The following LINGO2 variants were observed in gnomAD, a reference collection of about 807,000 sequenced individuals.
LINGO2 encodes leucine rich repeat and Ig domain containing 2.
In LINGO2, 14 loss-of-function variants were observed where a neutral mutation model predicts 30.6. That is an observed-to-expected ratio of 0.46 (90% confidence interval 0.30 to 0.72). The LOEUF (loss-of-function observed/expected upper bound fraction) is 0.72. LINGO2 is among the 30% of genes least tolerant of loss of function. The pLI, the probability that LINGO2 is intolerant of heterozygous loss-of-function variation, is 0.07. For synonymous variants in LINGO2, 317 were observed against 288.5 expected (o/e 1.10, Z -1.00); for missense variants, 729 against 751.7 (o/e 0.97, Z 0.35).
At chr9:29,051,692 G>T in the LINGO2 span, among the ~76,000 whole-genome samples, 54,439 of 151,742 alleles carry the variant, frequency 0.36, 9,852 homozygotes, top group East Asian at 0.48. Context: ...CATAAGGCCC[G>T]TTAGTTTCTT....
the LINGO2 span, among the ~76,000 whole-genome samples, chr9:28,980,699 A>G: frequency 6.6e-6 from 1 of 152,050 alleles, no homozygotes; most frequent in East Asian, 1.9e-4. Flanking sequence ...CTGCTCAGGG[A>G]GTCCTCTGAG....
chr9:29,025,418 G>T, the LINGO2 span, among the ~76,000 whole-genome samples: 1 of 151,896 alleles, frequency 6.6e-6, no homozygotes, highest in South Asian at 2.1e-4. Flanking sequence ...CATACAAAAA[G>T]TCACGATTGA....
intron 2 of LINGO2, among the ~76,000 whole-genome samples, chr9:28,382,067 C>T (rs1274605554): frequency 1.3e-5 from 2 of 152,108 alleles, no homozygotes; most frequent in African/African-American, 4.8e-5. Context: ...AGCTAGTTCT[C>T]TACTTTCTCT....
chr9:29,085,281 TAAAAAAAAAA>T, the LINGO2 span, among the ~76,000 whole-genome samples: 10 of 77,056 alleles, frequency 1.3e-4, no homozygotes, highest in Admixed American at 3.1e-4. Flanking sequence ...CTATGGTAAG[TAAAAAAAAAA>T]AAAAAAAAAA....
At chr9:28,734,734 G>A in the LINGO2 span, among the ~76,000 whole-genome samples, 1 of 152,232 alleles carries the variant, frequency 6.6e-6, no homozygotes, top group Middle Eastern at 3.4e-3. Context: ...GTAACCGAAA[G>A]TACTATTGAG....
At chr9:28,694,952 GT>G in the LINGO2 span, among the ~76,000 whole-genome samples, 9,737 of 133,220 alleles carry the variant, frequency 0.073, 470 homozygotes, top group African/African-American at 0.15. Context: ...TATCCTGACT[GT>G]TTTTTTTTTT....
chr9:28,382,367 G>T (rs755565162), intron 2 of LINGO2, among the ~76,000 whole-genome samples: 2 of 152,034 alleles, frequency 1.3e-5, no homozygotes, highest in Non-Finnish European at 2.9e-5. Context: ...CATTAGATAC[G>T]TCTTTCCAAA....
the LINGO2 span, among the ~76,000 whole-genome samples, chr9:28,727,289 CTT>C: frequency 6.9e-6 from 1 of 145,886 alleles, no homozygotes; most frequent in East Asian, 2.0e-4. Context: ...AAAAATCCTT[CTT>C]TTTTTTTTTT....
chr9:28,540,151 C>A (rs1193560765), intron 1 of LINGO2, among the ~76,000 whole-genome samples: 1 of 152,062 alleles, frequency 6.6e-6, no homozygotes, highest in Non-Finnish European at 1.5e-5. Flanking sequence ...AACCTTATTT[C>A]TTTTTCTATA....
chr9:28,923,856 A>AG, the LINGO2 span, among the ~76,000 whole-genome samples: 3 of 152,148 alleles, frequency 2.0e-5, no homozygotes, highest in African/African-American at 7.2e-5. Context: ...GCAAGTAAAG[A>AG]GGGGGTAAAT....
the LINGO2 span, among the ~76,000 whole-genome samples, chr9:28,730,967 TA>T: frequency 0.13 from 19,791 of 151,934 alleles, 1,548 homozygotes; most frequent in Admixed American, 0.27. Context: ...GCAAATAGTA[TA>T]AAGTCCAGAA....
At chr9:28,825,105 C>T in the LINGO2 span, among the ~76,000 whole-genome samples, 24 of 152,200 alleles carry the variant, frequency 1.6e-4, 1 homozygote, top group Admixed American at 3.3e-4. Flanking sequence ...CCAACTCCTT[C>T]ATTATCTATG....
the LINGO2 span, among the ~76,000 whole-genome samples, chr9:29,041,819 A>C: frequency 1.3e-5 from 2 of 152,024 alleles, no homozygotes; most frequent in Admixed American, 1.3e-4. Flanking sequence ...CAAAATTAAA[A>C]ATGTTTTCTC....
intron 4 of LINGO2, among the ~76,000 whole-genome samples, chr9:28,043,065 G>T (rs1225780344): frequency 6.6e-6 from 1 of 152,154 alleles, no homozygotes; most frequent in South Asian, 2.1e-4. Context: ...GGCAAATTGG[G>T]GCACCCTGCC....
At chr9:29,174,659 T>C in the LINGO2 span, among the ~76,000 whole-genome samples, 1 of 152,186 alleles carries the variant, frequency 6.6e-6, no homozygotes, top group African/African-American at 2.4e-5. Context: ...AAAAGTCTAT[T>C]GAAGTTTCCT....
chr9:29,125,379 A>C, the LINGO2 span, among the ~76,000 whole-genome samples: 66 of 152,230 alleles, frequency 4.3e-4, no homozygotes, highest in African/African-American at 1.6e-3. Flanking sequence ...ATACCTATGG[A>C]ACAACCCTGC....
intron 4 of LINGO2, among the ~76,000 whole-genome samples, chr9:28,072,190 T>C (rs536975571): frequency 2.6e-5 from 4 of 152,324 alleles, no homozygotes; most frequent in South Asian, 2.1e-4. Context: ...AACATGTGTA[T>C]GAACTGGCAC....
intron 1 of LINGO2, among the ~76,000 whole-genome samples, chr9:28,479,679 T>C (rs1469990376): frequency 6.6e-6 from 1 of 151,438 alleles, no homozygotes; most frequent in African/African-American, 2.4e-5. Flanking sequence ...GACAAGAATA[T>C]GCTTATTTCT....
chr9:28,694,181 TTC>T, the LINGO2 span, among the ~76,000 whole-genome samples: 2 of 152,070 alleles, frequency 1.3e-5, no homozygotes, highest in East Asian at 3.9e-4. Context: ...CATTTTTATT[TTC>T]AAATAAAGAT....
Sources: allele counts gnomAD v4.1 joint callset (sites outside exome capture counted in the v4.1 genomes callset), GRCh38; gene constraint gnomAD v4.1.1; transcripts MANE v1.5; gene names NCBI Gene and HGNC (gene_info 2026-07-23, HGNC 2026-07-21).